NLRP5: variants seen among roughly 807,000 people sequenced by gnomAD.
The protein encoded by NLRP5 is NLR family pyrin domain containing 5, also known as NACHT, LRR and PYD domains-containing protein 5.
Under a neutral mutation model 113.1 loss-of-function variants are expected in NLRP5, and 93 were observed. The observed-to-expected ratio is 0.82, with a 90% CI of 0.70 to 0.98. NLRP5 has a LOEUF of 0.98. NLRP5 is among the 50% of genes least tolerant of loss of function. NLRP5 has a pLI of 0.00. For missense variants in NLRP5, 1,808 were observed against 1,514.3 expected (o/e 1.19, Z -3.22); for synonymous variants, 751 against 600.7 (o/e 1.25, Z -3.66).
At chr19:56,041,781 C>T (rs1313150248) in intron 11 of NLRP5, among the ~76,000 whole-genome samples, 2 of 152,134 alleles carry the variant, frequency 1.3e-5, no homozygotes, top group East Asian at 1.9e-4. Context: ...AATCCCATCT[C>T]TACTAAAAAT....
At chr19:56,009,333 C>G (rs1982086811) in intron 3 of NLRP5, among the ~76,000 whole-genome samples, 1 of 19,816 alleles carries the variant, frequency 5.0e-5, no homozygotes, top group Non-Finnish European at 9.5e-5. Flanking sequence ...GAACGAGACT[C>G]CATCTCAAAA....
At chr19:56,035,476 A>G (rs1983277137) in intron 9 of NLRP5, among the ~76,000 whole-genome samples, 1 of 152,198 alleles carries the variant, frequency 6.6e-6, no homozygotes, top group African/African-American at 2.4e-5. Flanking sequence ...TCTTTTGCTC[A>G]CTGTCTGCAC....
chr19:56,024,420 G>T (rs1396201028), intron 6 of NLRP5, among the ~76,000 whole-genome samples: 6 of 116,752 alleles, frequency 5.1e-5, no homozygotes, highest in African/African-American at 2.0e-4. Context: ...ATGTATATAT[G>T]TTATATATAC....
chr19:56,014,142 T>G (rs1229186398), intron 3 of NLRP5, among the ~76,000 whole-genome samples: 4 of 152,136 alleles, frequency 2.6e-5, no homozygotes, highest in African/African-American at 4.8e-5. Context: ...CAAGACAAAT[T>G]TATTTCCTTG....
chr19:56,014,468 C>T (rs76124647), intron 3 of NLRP5, among the ~76,000 whole-genome samples: 6 of 119,198 alleles, frequency 5.0e-5, no homozygotes, highest in East Asian at 2.1e-4. Context: ...GACAGAGAAA[C>T]GCTCCATCTC....
upstream of NLRP5, among the ~76,000 whole-genome samples, chr19:55,998,710 G>C (rs77029485): frequency 2.9e-5 from 2 of 67,852 alleles, no homozygotes; most frequent in African/African-American, 1.7e-4. Flanking sequence ...ATATGTGTGT[G>C]TGTGTATATA....
chr19:56,003,574 A>G (rs1348069871), intron 1 of NLRP5, 162 bp from the exon 2 acceptor site: 3 of 813,144 alleles, frequency 3.7e-6, no homozygotes, highest in South Asian at 3.6e-5. Flanking sequence ...CCCAGCACTG[A>G]TGTCTAGTAA....
At chr19:56,050,289 G>GA (rs565376878) in intron 11 of NLRP5, 129 bp from the exon 12 acceptor site, 247,722 of 659,664 alleles carry the variant, frequency 0.38, 40,286 homozygotes, top group South Asian at 0.39. Flanking sequence ...AAAAAAAAAA[G>GA]AAAAAAAAAC....
rs1568507484 is a variant in NLRP5 at position 56,061,476 on chromosome 19, A to ACGGTAGTTGG, written c.3553_3562dup (p.His1188ArgfsTer2). The ACGGTAGTTGG allele has an allele frequency of 5.0e-6, 8 of 1,614,018 alleles. No individual in the cohort carries two copies. The highest frequency in any genetic ancestry group is 6.8e-6 in the Non-Finnish European group (8 of 1,179,878). Reference sequence around the variant, plus strand: ...CTACTCAAGCCCCGAGTCGTAATTGACGGTAGTTGGCATTCTTTTGATGAA... The same window carrying ACGGTAGTTGG: ...CTACTCAAGCCCCGAGTCGTAATTGACGGTAGTTGGCGGTAGTTGGCATTCTTTTGATGAA... On this transcript the variant is annotated frameshift_variant, in exon 15 of 15. Coordinates refer to ENST00000390649, the MANE Select transcript of NLRP5 (RefSeq NM_153447.4). LOFTEE classifies it high-confidence loss of function.
chr19:56,041,486 CTT>C (rs1192814816), intron 11 of NLRP5, among the ~76,000 whole-genome samples: 1 of 152,102 alleles, frequency 6.6e-6, no homozygotes, highest in African/African-American at 2.4e-5. Context: ...TGTTCAATGA[CTT>C]TTACTTGATA....
intron 2 of NLRP5, among the ~76,000 whole-genome samples, chr19:56,008,089 C>T (rs12460017): frequency 0.48 from 54,200 of 113,632 alleles, 15,219 homozygotes; most frequent in Non-Finnish European, 0.61. Flanking sequence ...CCACCACGCC[C>T]GGCTAATTTT....
At chr19:56,044,555 AT>A (rs1983651209) in intron 11 of NLRP5, among the ~76,000 whole-genome samples, 1 of 152,200 alleles carries the variant, frequency 6.6e-6, no homozygotes, top group Admixed American at 6.5e-5. Flanking sequence ...TGGGTTCTCT[AT>A]TCTGTTTCGT....
chr19:56,003,414 A>G (rs1981731408), intron 1 of NLRP5, among the ~76,000 whole-genome samples: 1 of 152,196 alleles, frequency 6.6e-6, no homozygotes, highest in African/African-American at 2.4e-5. Flanking sequence ...TTGGTCTCCC[A>G]AAGTGCTGGG....
At chr19:56,029,970 G>C (rs1048221263) in intron 7 of NLRP5, among the ~76,000 whole-genome samples, 1 of 151,702 alleles carries the variant, frequency 6.6e-6, no homozygotes, top group African/African-American at 2.4e-5. Flanking sequence ...CAGGAGAATT[G>C]CCTGAACCCA....
At chr19:56,015,904 C>A in intron 4 of NLRP5, 106 bp downstream of exon 4, 1 of 787,450 alleles carries the variant, frequency 1.3e-6, no homozygotes, top group Non-Finnish European at 2.0e-6. Flanking sequence ...CTTTCTTCAT[C>A]CTCATTTGTC....
intron 3 of NLRP5, among the ~76,000 whole-genome samples, chr19:56,013,013 A>T (rs1180088857): frequency 2.0e-5 from 3 of 152,022 alleles, no homozygotes; most frequent in Non-Finnish European, 2.9e-5. Flanking sequence ...ATTTCAGGAA[A>T]TTTTCATCAC....
At chr19:56,001,615 G>A (rs1981655025) in intron 1 of NLRP5, among the ~76,000 whole-genome samples, 1 of 152,102 alleles carries the variant, frequency 6.6e-6, no homozygotes, top group Non-Finnish European at 1.5e-5. Context: ...TAAAGCAGGT[G>A]CCCTGTCTAA....
intron 11 of NLRP5, among the ~76,000 whole-genome samples, 174 bp downstream of exon 11, chr19:56,041,266 G>A (rs1405659604): frequency 6.6e-6 from 1 of 152,090 alleles, no homozygotes; most frequent in Non-Finnish European, 1.5e-5. Flanking sequence ...GGAAAATTCT[G>A]TGTCTGCCTT....
chr19:56,053,866 C>G, intron 13 of NLRP5, 58 bp downstream of exon 13: 1 of 1,536,076 alleles, frequency 6.5e-7, no homozygotes, highest in Non-Finnish European at 9.0e-7. Context: ...GGGACCCCAG[C>G]ATGAGGTTGC....
Sources: gnomAD v4.1 joint callset for allele counts (sites outside exome capture counted in the v4.1 genomes callset) on GRCh38, gnomAD v4.1.1 for gene constraint, MANE v1.5 for transcripts, NCBI Gene and HGNC (gene_info 2026-07-23, HGNC 2026-07-21) for gene names.